Variants in SGK1 observed in about 807,000 individuals in gnomAD.
The protein encoded by SGK1 is serum/glucocorticoid regulated kinase 1.
In SGK1, 26 loss-of-function variants were observed where a neutral mutation model predicts 64.2. The ratio of observed to expected loss-of-function variants is 0.40; its 90% CI spans 0.30 to 0.56. The LOEUF (loss-of-function observed/expected upper bound fraction) is 0.56, where lower values mean the gene tolerates loss of function less well. Ranked by LOEUF, SGK1 falls within the 20% of genes least tolerant of loss-of-function variation. SGK1 has a pLI of 0.38. For missense variants in SGK1, 519 were observed against 645.6 expected, an observed-to-expected ratio of 0.80 and a Z score of 2.12; for synonymous variants, 265 against 239.7, an observed-to-expected ratio of 1.11 and a Z score of -0.98.
At chr6:134,241,675 C>G (rs1776449006) in intron 2 of SGK1, among the ~76,000 whole-genome samples, 1 of 152,202 alleles carries the variant, frequency 6.6e-6, no homozygotes, top group South Asian at 2.1e-4. Flanking sequence ...GGCTGGAGTG[C>G]AGTGGGACAA....
rs994252588 is a variant in SGK1, at chr6:134,257,301, G to C, written c.285+4632C>G. ...GCCTGTAATGCCAGCTATTCGCAAGGCTGAGGCAGGAGAATCACTTGAACC... is the reference window on the plus strand; with the variant it reads ...GCCTGTAATGCCAGCTATTCGCAAGCCTGAGGCAGGAGAATCACTTGAACC... On this transcript the variant is annotated intron_variant, in intron 2 of 13. Coordinates refer to ENST00000367858, the MANE Select transcript of SGK1 (RefSeq NM_001143676.3). Among the ~76,000 whole-genome samples the C allele has an allele frequency of 2.6e-5, 4 of 152,194 alleles. No individual in the cohort carries two copies. In the East Asian group the frequency reaches 5.8e-4, roughly 22 times the overall value.
chr6:134,232,327 G>C (rs1776291023), intron 2 of SGK1, among the ~76,000 whole-genome samples: 1 of 151,484 alleles, frequency 6.6e-6, no homozygotes, highest in Non-Finnish European at 1.5e-5. Context: ...AGAGGTTGCA[G>C]TGAGCCAGGA....
rs1237232814 is a variant in SGK1 at position 134,291,046 on chromosome 6, A to T, written c.69+26346T>A. ...TGTTGCTGAGGGCCTTGGGTGCCAC[A>T]TTAAGGGTTTGCAATGAATTCAGTG... is the stretch of plus-strand genomic sequence containing the variant. On this transcript the variant is annotated intron_variant, in intron 1 of 13. Coordinates refer to ENST00000367858, the MANE Select transcript of SGK1 (RefSeq NM_001143676.3). Among the ~76,000 whole-genome samples, 4 of 152,190 alleles carry T rather than the reference A, an allele frequency of 2.6e-5. No homozygotes were observed. In the East Asian group the frequency reaches 7.7e-4, roughly 29 times the overall value.
At position 134,174,938 on chromosome 6, in the gene SGK1, G is replaced by T. The variant is rs536530397; in HGVS notation, c.362-352C>A. 21 of 1,483,768 alleles carry T rather than the reference G, an allele frequency of 1.4e-5. No individual in the cohort carries two copies. In the Admixed American group the frequency reaches 5.0e-4, roughly 35 times the overall value. 91.9% of individuals were successfully genotyped at this position (1,483,768 alleles called of 1,614,324 possible). On this transcript the variant is annotated intron_variant, in intron 3 of 13. Transcript: ENST00000367858. ...CGGGGCCTGCGCGACAGTGAGAAGT[G>T]GCCCCGCCCTTCGCCTCGCCCCTCG...
intron 3 of SGK1, among the ~76,000 whole-genome samples, chr6:134,198,472 T>A (rs1342226237): frequency 6.6e-6 from 1 of 152,190 alleles, no homozygotes; most frequent in Non-Finnish European, 1.5e-5. Flanking sequence ...TATTTTGCTT[T>A]TCAAGAGAAA....
At chr6:134,313,510 A>T (rs1350062922) in intron 1 of SGK1, among the ~76,000 whole-genome samples, 2 of 151,888 alleles carry the variant, frequency 1.3e-5, no homozygotes, top group African/African-American at 4.8e-5. Context: ...TGAATGAGGC[A>T]TGAAAGACTT....
In SGK1 at chr6:134,317,592, C is replaced by T. The variant is rs768917273; in HGVS notation, c.-132G>A. On this transcript the variant is annotated 5_prime_UTR_variant, in exon 1 of 14. Transcript: ENST00000367858. ...GCGGGATGGAGAATCTAGCGGGGCT[C>T]AGTTCTTCACTCGCGCATTCTGCAG... 9.3e-5 allele frequency: 66 copies of T among 708,880 alleles called. No homozygotes were observed. Among genetic ancestry groups the T allele is most frequent in the Admixed American group, 1.7e-4 (8 of 47,418 alleles). 43.9% of individuals were successfully genotyped at this position (708,880 alleles called of 1,614,324 possible).
intron 1 of SGK1, among the ~76,000 whole-genome samples, chr6:134,273,528 G>A (rs1299680508): frequency 7.2e-6 from 1 of 137,978 alleles, no homozygotes; most frequent in Non-Finnish European, 1.5e-5. Context: ...GGGAGGCGGA[G>A]CTTGCAGTGA....
At chr6:134,224,112 C>A (rs550748282) in intron 2 of SGK1, among the ~76,000 whole-genome samples, 1 of 152,212 alleles carries the variant, frequency 6.6e-6, no homozygotes, top group Admixed American at 6.5e-5. Flanking sequence ...CAATACCTGA[C>A]AAATATGAAA....
intron 2 of SGK1, among the ~76,000 whole-genome samples, chr6:134,256,195 C>T (rs1776681810): frequency 6.6e-6 from 1 of 151,124 alleles, no homozygotes; most frequent in Admixed American, 6.6e-5. Context: ...GATCCTTTTA[C>T]AAACATAGTT....
chr6:134,173,322 G>C lies in SGK1; in HGVS notation c.654C>G (p.Phe218Leu). The C allele has an allele frequency of 5.0e-6, 8 of 1,613,660 alleles. No individual in the cohort carries two copies. The highest frequency in any genetic ancestry group is 6.8e-6 in the Non-Finnish European group (8 of 1,179,702). The stretch of plus-strand genomic sequence containing the variant: ...TCTTCTGTAAAACTTTGACTGCATA[G>C]AACACTTCTTCTGCCTTGTGTCTTG... ...LLARHKAEEV[F>L]YAVKVLQKKA... Residue 218 changes from phenylalanine (F) to leucine (L), a missense_variant, in exon 7 of 14, where the codon TTC becomes TTG. Phe to Leu is a conservative substitution (Grantham distance 22). This residue lies in a region of SGK1 where 278 missense variants were observed against 408.7 expected (regional missense o/e 0.68). Transcript: ENST00000367858.
At chr6:134,257,585 TG>T (rs1197677222) in intron 2 of SGK1, among the ~76,000 whole-genome samples, 5 of 152,292 alleles carry the variant, frequency 3.3e-5, no homozygotes, top group Middle Eastern at 3.4e-3. Context: ...CTTTTTTTCT[TG>T]TTTATTTTCA....
At chr6:134,297,939 T>C in intron 1 of SGK1, 1 of 804,618 alleles carries the variant, frequency 1.2e-6, no homozygotes, top group Non-Finnish European at 2.2e-6. Context: ...CGCCTTGACC[T>C]CAGTGATGAT....
chr6:134,224,913 T>A (rs1763499), intron 2 of SGK1, among the ~76,000 whole-genome samples: 1 of 149,566 alleles, frequency 6.7e-6, no homozygotes, highest in Non-Finnish European at 1.5e-5. Context: ...CGCAGCCACT[T>A]GGGGACTGAG....
intron 2 of SGK1, among the ~76,000 whole-genome samples, chr6:134,245,625 T>C (rs910826710): frequency 6.6e-6 from 1 of 152,100 alleles, no homozygotes; most frequent in East Asian, 1.9e-4. Context: ...GAGGCCAAAG[T>C]GGGTGGATTA....
At chr6:134,187,248 G>T (rs1429178546) in intron 3 of SGK1, among the ~76,000 whole-genome samples, 13 of 152,154 alleles carry the variant, frequency 8.5e-5, no homozygotes, top group Non-Finnish European at 1.8e-4. Context: ...TCCCAAAGTG[G>T]CTGGGTGGTA....
chr6:134,273,919 G>A (rs1043683413), intron 1 of SGK1, among the ~76,000 whole-genome samples: 14 of 151,980 alleles, frequency 9.2e-5, no homozygotes, highest in South Asian at 6.2e-4. Flanking sequence ...TTAGCCTTCC[G>A]AAGAGCTGGG....
At chr6:134,313,015 T>G (rs1777628541) in intron 1 of SGK1, among the ~76,000 whole-genome samples, 2 of 152,184 alleles carry the variant, frequency 1.3e-5, no homozygotes, top group African/African-American at 4.8e-5. Context: ...TTAAGTGATC[T>G]GCCTGCCTAA....
rs1223620188 is a variant in SGK1, at chr6:134,173,523, G to A, written c.557C>T (p.Pro186Leu). 6.2e-7 allele frequency: 1 copy of A among 1,612,772 alleles called. No homozygotes were observed. Among genetic ancestry groups the A allele is most frequent in the East Asian group, 2.2e-5 (1 of 44,862 alleles). ...GTGAAAGTCAGATGGTTTAGCATGAGGATTGGACGACGGGCCAAGGTTGAT... is the reference window on the plus strand; with the variant it reads ...GTGAAAGTCAGATGGTTTAGCATGAAGATTGGACGACGGGCCAAGGTTGAT... ...QQINLGPSSNPHAKPSDFHFL... is the reference protein window; with the variant it reads ...QQINLGPSSNLHAKPSDFHFL... The change falls in exon 6 of 14, where the codon CCT becomes CTT. Residue 186 changes from proline to leucine, a missense_variant. Pro to Leu is a moderately conservative substitution (Grantham distance 98). This residue lies in a region of SGK1 where 241 missense variants were observed against 236.9 expected (regional missense o/e 1.02). Transcript: ENST00000367858.
Sources: allele counts gnomAD v4.1 joint callset (sites outside exome capture counted in the v4.1 genomes callset), GRCh38; gene constraint gnomAD v4.1.1; regional missense constraint gnomAD v4.1.1; transcripts MANE v1.5; gene names NCBI Gene and HGNC (gene_info 2026-07-23, HGNC 2026-07-21).